NFIB: variants seen among roughly 807,000 people sequenced by gnomAD.
NFIB encodes nuclear factor I B, also known as nuclear factor 1 B-type.
A neutral mutation model predicts 61.5 loss-of-function variants in NFIB; 11 were observed. The ratio of observed to expected loss-of-function variants is 0.18; its 90% CI spans 0.11 to 0.30. The LOEUF (loss-of-function observed/expected upper bound fraction) is 0.30. Ranked by LOEUF, NFIB falls within the 10% of genes least tolerant of loss-of-function variation. The pLI is 1.00. For missense variants in NFIB, 471 were observed against 608.9 expected (o/e 0.77, Z 2.38); for synonymous variants, 260 against 216.5 (o/e 1.20, Z -1.76).
chr9:14,198,287 C>T (rs1017982620), intron 2 of NFIB, among the ~76,000 whole-genome samples: 4 of 152,082 alleles, frequency 2.6e-5, no homozygotes, highest in Non-Finnish European at 5.9e-5. Flanking sequence ...AAAGTCGTTT[C>T]GGATGTTCAC....
chr9:14,179,534 G>C (rs1204627427), intron 3 of NFIB, among the ~76,000 whole-genome samples, 193 bp downstream of exon 3: 1 of 152,150 alleles, frequency 6.6e-6, no homozygotes, highest in Non-Finnish European at 1.5e-5. Flanking sequence ...TGGTGATTAG[G>C]TAAATACTGA....
At chr9:14,302,757 A>AC (rs1159781758) in intron 2 of NFIB, among the ~76,000 whole-genome samples, 2 of 143,794 alleles carry the variant, frequency 1.4e-5, no homozygotes, top group Non-Finnish European at 1.5e-5. Flanking sequence ...TCCCACCACC[A>AC]CCACCACCCC....
At chr9:14,532,043 C>G in the NFIB span, 2 of 152,762 alleles carry the variant, frequency 1.3e-5, no homozygotes, top group African/African-American at 4.8e-5. Context: ...CAACCTTCAT[C>G]AGATGCAGCT....
intron 2 of NFIB, among the ~76,000 whole-genome samples, chr9:14,250,215 G>A (rs1319444542): frequency 2.0e-5 from 3 of 152,200 alleles, no homozygotes; most frequent in Non-Finnish European, 4.4e-5. Context: ...AGGAAGATAA[G>A]AGGAGTGGGA....
chr9:14,220,557 T>G (rs1471242141), intron 2 of NFIB, among the ~76,000 whole-genome samples: 2 of 152,152 alleles, frequency 1.3e-5, no homozygotes, highest in Non-Finnish European at 2.9e-5. Flanking sequence ...CAGTTTCTTC[T>G]CTGCTATCTC....
intron 1 of NFIB, among the ~76,000 whole-genome samples, chr9:14,393,646 A>C (rs1041598063): frequency 6.6e-6 from 1 of 152,146 alleles, no homozygotes; most frequent in Non-Finnish European, 1.5e-5. Flanking sequence ...CATCCAAAAA[A>C]CTAACTCAAG....
the NFIB span, among the ~76,000 whole-genome samples, chr9:14,492,445 A>G: frequency 1.3e-5 from 2 of 152,134 alleles, no homozygotes; most frequent in African/African-American, 4.8e-5. Flanking sequence ...CTTGGCTCAC[A>G]GTTCTGCAGT....
intron 2 of NFIB, among the ~76,000 whole-genome samples, chr9:14,228,927 A>C (rs915360873): frequency 1.3e-5 from 2 of 151,922 alleles, no homozygotes; most frequent in Non-Finnish European, 2.9e-5. Flanking sequence ...AAATTCCTTT[A>C]TCTCTTTTAC....
chr9:14,298,455 T>C (rs2059567748), intron 2 of NFIB, among the ~76,000 whole-genome samples: 1 of 152,126 alleles, frequency 6.6e-6, no homozygotes, highest in African/African-American at 2.4e-5. Context: ...TTGTGATATG[T>C]ACCATCATAA....
chr9:14,252,895 C>G (rs1431882491), intron 2 of NFIB, among the ~76,000 whole-genome samples: 1 of 124,814 alleles, frequency 8.0e-6, no homozygotes, highest in African/African-American at 3.1e-5. Context: ...GTCCATCTGT[C>G]AAGGAAATTG....
the NFIB span, among the ~76,000 whole-genome samples, chr9:14,486,561 G>A: frequency 1.5e-3 from 231 of 152,294 alleles, no homozygotes; most frequent in Non-Finnish European, 2.5e-3. Flanking sequence ...GTAGGGGGAA[G>A]AGCTGTTGTT....
chr9:14,453,045 T>C, the NFIB span, among the ~76,000 whole-genome samples: 1 of 152,232 alleles, frequency 6.6e-6, no homozygotes, highest in South Asian at 2.1e-4. Flanking sequence ...CATGGGTGCA[T>C]AAGCCCACCA....
the NFIB span, among the ~76,000 whole-genome samples, chr9:14,518,238 A>G: frequency 4.5e-4 from 68 of 152,310 alleles, no homozygotes; most frequent in African/African-American, 1.4e-3. Flanking sequence ...TTCTCAATCT[A>G]TGGCCATGGC....
intron 2 of NFIB, among the ~76,000 whole-genome samples, chr9:14,289,556 T>C (rs1459532376): frequency 6.6e-6 from 1 of 151,572 alleles, no homozygotes; most frequent in Admixed American, 6.6e-5. Context: ...TATAGATAGA[T>C]AGATATACAC....
chr9:14,129,245 GT>G (rs2040088620), intron 6 of NFIB, among the ~76,000 whole-genome samples: 1 of 152,072 alleles, frequency 6.6e-6, no homozygotes, highest in African/African-American at 2.4e-5. Context: ...AAGAACGGTA[GT>G]ATCAGAATAT....
At chr9:14,348,028 G>A (rs1477547199) in intron 1 of NFIB, among the ~76,000 whole-genome samples, 2 of 152,302 alleles carry the variant, frequency 1.3e-5, no homozygotes, top group Admixed American at 6.5e-5. Flanking sequence ...CCCAGGACTA[G>A]GTTTTTGTGA....
chr9:14,513,485 G>A, the NFIB span, among the ~76,000 whole-genome samples: 11 of 151,992 alleles, frequency 7.2e-5, no homozygotes, highest in East Asian at 1.5e-3. Flanking sequence ...AAAATTAGCC[G>A]GGTGTGGTAG....
At chr9:14,284,609 T>C (rs1040622015) in intron 2 of NFIB, among the ~76,000 whole-genome samples, 3 of 152,216 alleles carry the variant, frequency 2.0e-5, no homozygotes, top group African/African-American at 4.8e-5. Flanking sequence ...AACTAAAATA[T>C]ACGTTCTTTG....
intron 2 of NFIB, among the ~76,000 whole-genome samples, chr9:14,235,251 T>G (rs932739072): frequency 1.3e-5 from 2 of 152,188 alleles, no homozygotes; most frequent in African/African-American, 4.8e-5. Flanking sequence ...CGATCTGATG[T>G]TCAAAGGACA....
Sources: allele counts gnomAD v4.1 joint callset (sites outside exome capture counted in the v4.1 genomes callset), GRCh38; gene constraint gnomAD v4.1.1; transcripts MANE v1.5; gene names NCBI Gene and HGNC (gene_info 2026-07-23, HGNC 2026-07-21).